TDRD3: variants seen among roughly 807,000 people sequenced by gnomAD.
TDRD3 encodes the protein tudor domain-containing protein 3.
A neutral mutation model predicts 86.7 loss-of-function variants in TDRD3; 45 were observed. That is an observed-to-expected ratio of 0.52 (90% CI 0.41 to 0.67). The LOEUF is 0.67. Among genes scored for constraint, TDRD3 ranks in the 30% least tolerant of loss-of-function variants. The pLI is 0.00. For synonymous variants in TDRD3, 298 were observed against 301.7 expected, an observed-to-expected ratio of 0.99 and a Z score of 0.13; for missense variants, 814 against 889.0, an observed-to-expected ratio of 0.92 and a Z score of 1.07.
intron 1 of TDRD3, among the ~76,000 whole-genome samples, chr13:60,423,805 G>C (rs1954724475): frequency 6.6e-6 from 1 of 151,962 alleles, no homozygotes; most frequent in Non-Finnish European, 1.5e-5. Flanking sequence ...AGTGATTAGA[G>C]GAAAATTTAT....
chr13:60,443,906 GACAGTTTTC>G (rs1955340124), intron 2 of TDRD3, among the ~76,000 whole-genome samples: 1 of 151,890 alleles, frequency 6.6e-6, no homozygotes, highest in South Asian at 2.1e-4. Flanking sequence ...TATGAGTACT[GACAGTTTTC>G]CTGTGAACAA....
At chr13:60,435,319 C>T (rs1288739634) in intron 1 of TDRD3, among the ~76,000 whole-genome samples, 1 of 151,814 alleles carries the variant, frequency 6.6e-6, no homozygotes, top group Non-Finnish European at 1.5e-5. Flanking sequence ...TTTTGGTTAC[C>T]TAGATAAGTT....
chr13:60,554,698 T>C (rs912862618), intron 12 of TDRD3, among the ~76,000 whole-genome samples: 1 of 152,238 alleles, frequency 6.6e-6, no homozygotes, highest in East Asian at 1.9e-4. Context: ...TTGCTGTCAC[T>C]GTTTTAGCTA....
intron 1 of TDRD3, among the ~76,000 whole-genome samples, chr13:60,429,411 G>T (rs1434964878): frequency 6.6e-6 from 1 of 152,004 alleles, no homozygotes; most frequent in East Asian, 1.9e-4. Flanking sequence ...ATTGTAAAAT[G>T]GCTAATTTTT....
At chr13:60,455,511 A>C (rs912518701) in intron 3 of TDRD3, among the ~76,000 whole-genome samples, 9 of 152,204 alleles carry the variant, frequency 5.9e-5, no homozygotes, top group African/African-American at 2.2e-4. Flanking sequence ...AGCCACTGGA[A>C]ATGCTTTTGG....
At chr13:60,461,617 GAGCAGGCATTT>G (rs1955805589) in intron 4 of TDRD3, among the ~76,000 whole-genome samples, 1 of 152,058 alleles carries the variant, frequency 6.6e-6, no homozygotes, top group South Asian at 2.1e-4. Flanking sequence ...CTTTTCTCTT[GAGCAGGCATTT>G]ATCAGGTGTT....
intron 10 of TDRD3, among the ~76,000 whole-genome samples, chr13:60,511,358 C>T (rs1957057181): frequency 6.6e-6 from 1 of 151,946 alleles, no homozygotes; most frequent in Non-Finnish European, 1.5e-5. Context: ...TGAATCTAGC[C>T]AAATAAGCTC....
intron 1 of TDRD3, among the ~76,000 whole-genome samples, chr13:60,425,040 G>A (rs1435650493): frequency 6.6e-6 from 1 of 152,098 alleles, no homozygotes; most frequent in African/African-American, 2.4e-5. Flanking sequence ...TTTATCGGAT[G>A]AACAGTCTTG....
At chr13:60,412,235 C>T (rs566649608) in intron 1 of TDRD3, among the ~76,000 whole-genome samples, 24 of 152,216 alleles carry the variant, frequency 1.6e-4, no homozygotes, top group African/African-American at 5.8e-4. Flanking sequence ...TGAAGTAGGT[C>T]ATATTTGACA....
At chr13:60,479,736 A>G (rs1956271292) in intron 5 of TDRD3, among the ~76,000 whole-genome samples, 3 of 152,126 alleles carry the variant, frequency 2.0e-5, no homozygotes, top group Admixed American at 2.0e-4. Context: ...TGAATTCTTT[A>G]TTATTATGTA....
intron 12 of TDRD3, among the ~76,000 whole-genome samples, chr13:60,564,400 G>A (rs9538748): frequency 0.28 from 42,575 of 152,092 alleles, 6,141 homozygotes; most frequent in South Asian, 0.34. Context: ...GATTTTAAAA[G>A]ATTTTCTGGT....
At chr13:60,509,570 A>G (rs1957013441) in intron 8 of TDRD3, 193 bp from the exon 9 acceptor site, 2 of 654,540 alleles carry the variant, frequency 3.1e-6, no homozygotes, top group African/African-American at 3.6e-5. Flanking sequence ...AGAATACTCA[A>G]GGCACAACCC....
chr13:60,408,972 C>T (rs528725019), intron 1 of TDRD3, among the ~76,000 whole-genome samples: 7 of 152,312 alleles, frequency 4.6e-5, no homozygotes, highest in South Asian at 2.1e-4. Flanking sequence ...AAAGTGGCTT[C>T]GTGGGCTGGG....
At chr13:60,402,215 T>C (rs2137795902) in intron 1 of TDRD3, among the ~76,000 whole-genome samples, 1 of 152,302 alleles carries the variant, frequency 6.6e-6, no homozygotes, top group African/African-American at 2.4e-5. Context: ...CTGCTGTGCC[T>C]TTGTTTGTTT....
At chr13:60,511,390 C>A (rs1349210298) in intron 10 of TDRD3, among the ~76,000 whole-genome samples, 1 of 151,970 alleles carries the variant, frequency 6.6e-6, no homozygotes, top group Non-Finnish European at 1.5e-5. Flanking sequence ...GCTTTTATAA[C>A]AAATATGAAA....
intron 12 of TDRD3, among the ~76,000 whole-genome samples, chr13:60,567,157 A>G (rs930245682): frequency 2.6e-4 from 40 of 152,188 alleles, no homozygotes; most frequent in African/African-American, 8.9e-4. Context: ...ATTCAAGAAA[A>G]TTGTCATTAT....
chr13:60,418,234 C>T lies in TDRD3; in HGVS notation c.41+20829C>T, dbSNP rs867817751. On this transcript the variant is annotated intron_variant, in intron 1 of 13. Transcript: ENST00000377881. ...TGGTATTTTATGTCCTGCCACTGTACCATTTCTGATCTTGTCCTTTCTGCT... is the reference window on the plus strand; with the variant it reads ...TGGTATTTTATGTCCTGCCACTGTATCATTTCTGATCTTGTCCTTTCTGCT... 1.1e-4 allele frequency among the ~76,000 whole-genome samples: 17 copies of T among 152,068 alleles called. No homozygotes were observed. In the Middle Eastern group the frequency reaches 0.01, roughly 91 times the overall value.
At chr13:60,525,332 C>T (rs1052844849) in intron 10 of TDRD3, among the ~76,000 whole-genome samples, 1 of 151,128 alleles carries the variant, frequency 6.6e-6, no homozygotes, top group African/African-American at 2.4e-5. Context: ...CGCCACCAAG[C>T]CTGGCTAATT....
intron 10 of TDRD3, among the ~76,000 whole-genome samples, chr13:60,519,374 C>G (rs1957241663): frequency 6.6e-6 from 1 of 152,054 alleles, no homozygotes; most frequent in Admixed American, 6.6e-5. Flanking sequence ...TGTATTAAAG[C>G]AAAAATAACA....
Sources: allele counts gnomAD v4.1 joint callset (sites outside exome capture counted in the v4.1 genomes callset), GRCh38; gene constraint gnomAD v4.1.1; transcripts MANE v1.5; gene names NCBI Gene and HGNC (gene_info 2026-07-23, HGNC 2026-07-21).